The following TTC28 variants were observed in gnomAD, a reference collection of about 807,000 sequenced individuals.
TTC28 encodes the protein tetratricopeptide repeat protein 28.
A neutral mutation model predicts 198.0 loss-of-function variants in TTC28; 61 were observed. The observed-to-expected ratio is 0.31, with a 90% CI of 0.25 to 0.38. TTC28 has a LOEUF of 0.38. Among genes scored for constraint, TTC28 ranks in the 10% least tolerant of loss-of-function variants. The probability of loss-of-function intolerance (pLI) is 1.00; values close to 1 mark genes in which losing one functional copy is unlikely to be tolerated. For synonymous variants in TTC28, 1,171 were observed against 1,297.8 expected (o/e 0.90, Z 2.10); for missense variants, 2,678 against 3,164.0 (o/e 0.85, Z 3.69).
intron 2 of TTC28, among the ~76,000 whole-genome samples, chr22:28,366,254 A>G (rs1212125099): frequency 6.6e-6 from 1 of 152,188 alleles, no homozygotes; most frequent in Non-Finnish European, 1.5e-5. Flanking sequence ...TATAGCCCAT[A>G]TGACATTCTG....
At chr22:28,496,906 A>C (rs193083033) in intron 2 of TTC28, among the ~76,000 whole-genome samples, 1 of 152,300 alleles carries the variant, frequency 6.6e-6, no homozygotes, top group Admixed American at 6.5e-5. Context: ...TGTCTACTCA[A>C]GAACATGATG....
rs1324874316 is a variant in TTC28 at position 28,107,840 on chromosome 22, C to T, written c.2005G>A (p.Asp669Asn). 5 of 1,551,814 alleles carry T rather than the reference C, an allele frequency of 3.2e-6. No homozygotes were observed. The highest frequency in any genetic ancestry group is 4.9e-5 in the East Asian group (2 of 40,918). ...TAGGCTTTTGCTTGGCTCAACTTGTCGTGAAGGTCTTTAGCCAGTGCCAGA... is the reference window on the plus strand; with the variant it reads ...TAGGCTTTTGCTTGGCTCAACTTGTTGTGAAGGTCTTTAGCCAGTGCCAGA... ...QDLALAKDLH[D>N]KLSQAKAYCN... Residue 669 changes from aspartate to asparagine, a missense_variant, in exon 7 of 23, where the codon GAC becomes AAC. By Grantham distance (23) the Asp-to-Asn change is conservative. Around this residue, in one of 8 missense-constraint regions of TTC28, gnomAD observed 775 missense variants for 845.9 expected, o/e 0.92. Coordinates refer to ENST00000397906, the MANE Select transcript of TTC28 (RefSeq NM_001145418.2).
intron 12 of TTC28, chr22:28,056,105 T>TG (rs1940277031): frequency 6.6e-6 from 1 of 152,218 alleles, no homozygotes; most frequent in Non-Finnish European, 1.5e-5. Context: ...AATTTTGTAG[T>TG]GAATACCTAT....
chr22:28,145,365 T>C (rs1943445613), intron 6 of TTC28, among the ~76,000 whole-genome samples: 1 of 152,186 alleles, frequency 6.6e-6, no homozygotes. Context: ...CTTGAATGTC[T>C]AACTCCTAGG....
intron 1 of TTC28, among the ~76,000 whole-genome samples, chr22:28,678,669 C>G (rs185119603): frequency 6.6e-6 from 1 of 152,244 alleles, no homozygotes; most frequent in Admixed American, 6.5e-5. Flanking sequence ...TCAAGAAGCT[C>G]CTGAAAATGT....
chr22:28,134,331 C>T (rs1034804007), intron 6 of TTC28, among the ~76,000 whole-genome samples: 7 of 152,206 alleles, frequency 4.6e-5, no homozygotes, highest in African/African-American at 9.7e-5. Context: ...TGCAGCTCCT[C>T]GCCAGCAATG....
rs1941901864 is a variant in TTC28 at position 28,094,169 on chromosome 22, A to G, written c.3843T>C (p.Ser1281=). ...AGCCGGTTGCTGTTGGAAGGGTTAC[A>G]CTGCTGCTGGCCTGGAAGTCACTTG... ...ENSSDFQASS[S]VTLPTATGSA... is the part of the protein sequence containing the mutation. Residue 1281 remains serine, a synonymous_variant, in exon 12 of 23, where the codon AGT becomes AGC. Transcript: ENST00000397906. 1.3e-6 allele frequency: 2 copies of G among 1,551,530 alleles called. No individual in the cohort carries two copies. The highest frequency in any genetic ancestry group is 1.4e-5 in the African/African-American group (1 of 73,050).
intron 20 of TTC28, 142 bp downstream of exon 20, chr22:27,990,647 C>T (rs1446775689): frequency 2.3e-5 from 16 of 709,116 alleles, no homozygotes; most frequent in Admixed American, 5.8e-5. Context: ...AGCAGCAGTG[C>T]GCACCCGCGG....
At chr22:28,656,277 A>G (rs2051650727) in intron 1 of TTC28, among the ~76,000 whole-genome samples, 2 of 152,304 alleles carry the variant, frequency 1.3e-5, no homozygotes, top group South Asian at 4.1e-4. Context: ...CTGGTCCTCA[A>G]ATGTTGGGAA....
At chr22:28,029,147 C>A (rs142901679) in intron 13 of TTC28, 1 of 470,372 alleles carries the variant, frequency 2.1e-6, no homozygotes, top group African/African-American at 2.0e-5. Flanking sequence ...TGAGGGACAC[C>A]TGTGAAGGTG....
chr22:28,443,740 G>A (rs2047659971), intron 2 of TTC28, among the ~76,000 whole-genome samples: 2 of 152,034 alleles, frequency 1.3e-5, no homozygotes, highest in Admixed American at 6.6e-5. Context: ...TTAGTGCCAC[G>A]ACATCTGCTC....
intron 2 of TTC28, among the ~76,000 whole-genome samples, chr22:28,593,135 C>T (rs1210916555): frequency 6.7e-6 from 1 of 148,500 alleles, no homozygotes; most frequent in East Asian, 1.9e-4. Context: ...AAATATATGG[C>T]AGAAGCTTTC....
chr22:28,467,363 G>A (rs2048036454), intron 2 of TTC28, among the ~76,000 whole-genome samples: 1 of 152,192 alleles, frequency 6.6e-6, no homozygotes, highest in South Asian at 2.1e-4. Flanking sequence ...GGTCAGGGTT[G>A]CTGTGAGCTG....
chr22:28,193,839 G>C (rs1326219024), intron 5 of TTC28, among the ~76,000 whole-genome samples: 2 of 152,070 alleles, frequency 1.3e-5, no homozygotes, highest in Non-Finnish European at 2.9e-5. Context: ...AGAATAATGA[G>C]AGACTTTAAG....
intron 6 of TTC28, among the ~76,000 whole-genome samples, chr22:28,135,542 T>G (rs1943179613): frequency 6.6e-6 from 1 of 152,058 alleles, no homozygotes; most frequent in African/African-American, 2.4e-5. Flanking sequence ...TTCAAATAAG[T>G]CAAGTAAGAG....
rs191292582 is a variant in TTC28, at chr22:28,600,678, C to T, written c.381+28874G>A. Among the ~76,000 whole-genome samples, 156 of 152,264 alleles carry T rather than the reference C, an allele frequency of 1.0e-3. 1 individual carries two copies. Among genetic ancestry groups the T allele is most frequent in the Non-Finnish European group, 2.0e-3 (135 of 68,028 alleles). Reference sequence around the variant, plus strand: ...ATATAACAACCAACCCATCAACCTACACAAGACTACCAAAAGCCACATAAT... The same window carrying T: ...ATATAACAACCAACCCATCAACCTATACAAGACTACCAAAAGCCACATAAT... On this transcript the variant is annotated intron_variant, in intron 2 of 22. Coordinates refer to ENST00000397906, the MANE Select transcript of TTC28 (RefSeq NM_001145418.2).
chr22:28,552,752 TCTCCCTCTCCGCCTCCCC>T (rs1399246560), intron 2 of TTC28, among the ~76,000 whole-genome samples: 1 of 142,236 alleles, frequency 7.0e-6, no homozygotes, highest in Non-Finnish European at 1.6e-5. Flanking sequence ...AGCCTCTCCC[TCTCCCTCTCCGCCTCCCC>T]CTCCCCCTCC....
intron 2 of TTC28, among the ~76,000 whole-genome samples, chr22:28,342,793 A>ACTG (rs1255645015): frequency 2.0e-5 from 3 of 152,208 alleles, no homozygotes; most frequent in Non-Finnish European, 4.4e-5. Flanking sequence ...GCTCTTGATC[A>ACTG]CATTATAGCC....
At chr22:28,615,577 A>C (rs2050890723) in intron 2 of TTC28, among the ~76,000 whole-genome samples, 1 of 152,218 alleles carries the variant, frequency 6.6e-6, no homozygotes, top group South Asian at 2.1e-4. Context: ...AGACTGGATA[A>C]AACGTGGCAC....
Sources: allele counts gnomAD v4.1 joint callset (sites outside exome capture counted in the v4.1 genomes callset), GRCh38; gene constraint gnomAD v4.1.1; regional missense constraint gnomAD v4.1.1; transcripts MANE v1.5; gene names NCBI Gene and HGNC (gene_info 2026-07-23, HGNC 2026-07-21).